Variants in TTLL1 observed in about 807,000 individuals in gnomAD.
The protein encoded by TTLL1 is TTL family tubulin polyglutamylase complex subunit L1, also known as polyglutamylase complex subunit TTLL1.
A neutral mutation model predicts 47.8 loss-of-function variants in TTLL1; 33 were observed. The ratio of observed to expected loss-of-function variants is 0.69; its 90% CI spans 0.52 to 0.92. TTLL1 has a LOEUF of 0.92. Among genes scored for constraint, TTLL1 ranks in the 40% least tolerant of loss-of-function variants. TTLL1 has a pLI of 0.00. For missense variants in TTLL1, 488 were observed against 547.5 expected, an observed-to-expected ratio of 0.89 and a Z score of 1.08; for synonymous variants, 225 against 214.1, an observed-to-expected ratio of 1.05 and a Z score of -0.45.
At position 43,061,586 on chromosome 22, in the gene TTLL1, AAAG is replaced by A. The variant is rs540742844; in HGVS notation, c.748-2062_748-2060del. 2.7e-3 allele frequency among the ~76,000 whole-genome samples: 406 copies of A among 152,380 alleles called. 2 individuals carry two copies. The highest frequency in any genetic ancestry group is 1.2e-3 in the Non-Finnish European group (84 of 68,030). On this transcript the variant is annotated intron_variant, in intron 7 of 10. Transcript: ENST00000266254. ...CTTCCATCCAAAGAAGATTCAAATC[AAAG>A]AAGGAGTCTTTCATAAAGAAACGAG...
At chr22:43,055,801 A>C (rs1182048024) in intron 8 of TTLL1, among the ~76,000 whole-genome samples, 1 of 152,058 alleles carries the variant, frequency 6.6e-6, no homozygotes, top group African/African-American at 2.4e-5. Flanking sequence ...GTTTCACTGA[A>C]GCCTTTCACT....
intron 4 of TTLL1, among the ~76,000 whole-genome samples, chr22:43,068,814 C>T (rs567094020): frequency 6.6e-6 from 1 of 152,258 alleles, no homozygotes; most frequent in East Asian, 1.9e-4. Flanking sequence ...TTTTTCAATC[C>T]CCACGGCCAC....
intron 1 of TTLL1, among the ~76,000 whole-genome samples, chr22:43,086,342 C>G (rs887531644): frequency 4.6e-5 from 7 of 152,166 alleles, no homozygotes; most frequent in Admixed American, 2.6e-4. Flanking sequence ...GTGTGTCAAC[C>G]ACAGAAAGCC....
At chr22:43,056,950 G>A (rs565588102) in intron 8 of TTLL1, among the ~76,000 whole-genome samples, 8 of 152,124 alleles carry the variant, frequency 5.3e-5, no homozygotes, top group African/African-American at 1.4e-4. Flanking sequence ...GTGCCACCAC[G>A]CCCGGCTAAT....
rs367829842 is a variant in TTLL1 at position 43,089,086 on chromosome 22, G to C, written c.-90+191C>G. Among the ~76,000 whole-genome samples, 13 of 152,342 alleles carry C rather than the reference G, an allele frequency of 8.5e-5. No individual in the cohort carries two copies. The East Asian group carries it at 1.9e-3, about 23-fold the overall frequency. On this transcript the variant is annotated intron_variant, in intron 1 of 10. Coordinates refer to ENST00000266254, the MANE Select transcript of TTLL1 (RefSeq NM_012263.5). ...CGAGGTAAGTCATAGGAACTCAGCGGACGGAGAAAGGCACGGTGGTTAGCG... is the reference window on the plus strand; with the variant it reads ...CGAGGTAAGTCATAGGAACTCAGCGCACGGAGAAAGGCACGGTGGTTAGCG...
chr22:43,044,113 C>T (rs1321401345), intron 10 of TTLL1, among the ~76,000 whole-genome samples: 1 of 152,046 alleles, frequency 6.6e-6, no homozygotes, highest in Non-Finnish European at 1.5e-5. Flanking sequence ...GAGACTGCCA[C>T]CCACCCCCAT....
At chr22:43,070,911 G>A (rs907983694) in intron 3 of TTLL1, among the ~76,000 whole-genome samples, 5 of 152,048 alleles carry the variant, frequency 3.3e-5, no homozygotes, top group Non-Finnish European at 7.4e-5. Context: ...ATGTATGTAT[G>A]TATGTATGTA....
chr22:43,059,659 A>C (rs5759126), intron 7 of TTLL1, 132 bp from the exon 8 acceptor site: 1 of 1,162,134 alleles, frequency 8.6e-7, no homozygotes, highest in Non-Finnish European at 1.2e-6. Context: ...GCAAACATCC[A>C]GACCCCTGCC....
At chr22:43,068,622 C>T (rs1342953628) in intron 4 of TTLL1, 32 bp from the exon 5 acceptor site, 2 of 1,409,804 alleles carry the variant, frequency 1.4e-6, no homozygotes, top group Non-Finnish European at 9.4e-7. Context: ...CACTGGTAAG[C>T]AGCCAGCCCA....
At chr22:43,054,016 C>G (rs1402325567) in intron 8 of TTLL1, among the ~76,000 whole-genome samples, 2 of 152,214 alleles carry the variant, frequency 1.3e-5, no homozygotes, top group Non-Finnish European at 2.9e-5. Flanking sequence ...TGAAGTCAGT[C>G]TCTGCAGAGC....
intron 1 of TTLL1, among the ~76,000 whole-genome samples, chr22:43,088,407 G>C (rs1878043767): frequency 7.1e-6 from 1 of 140,112 alleles, no homozygotes; most frequent in South Asian, 2.3e-4. Context: ...CGCAATCTCG[G>C]CTCACTGCAA....
chr22:43,072,158 T>C (rs531062128), intron 3 of TTLL1, among the ~76,000 whole-genome samples: 1 of 149,118 alleles, frequency 6.7e-6, no homozygotes, highest in African/African-American at 2.4e-5. Context: ...CTTTTTCTTT[T>C]TTTTTTTTTT....
At position 43,063,864 on chromosome 22, in the gene TTLL1, C is replaced by T. The variant is rs752642011; in HGVS notation, c.696G>A (p.Glu232=). ...CTVKYTPSTS[E]LDNMFVHLTN... Reference sequence around the variant, plus strand: ...TGAGATGAACGAACATGTTGTCCAGCTCACTGGTACTCGGGGTGTATTTCA... The same window carrying T: ...TGAGATGAACGAACATGTTGTCCAGTTCACTGGTACTCGGGGTGTATTTCA... The change falls in exon 7 of 11, where the codon GAG becomes GAA. Residue 232 remains glutamate (E), a synonymous_variant. Transcript: ENST00000266254. 1 of 1,614,020 alleles carries T rather than the reference C, an allele frequency of 6.2e-7. No homozygotes were observed. The highest frequency in any genetic ancestry group is 8.5e-7 in the Non-Finnish European group (1 of 1,180,000).
At chr22:43,068,828 G>A (rs1025970962) in intron 4 of TTLL1, among the ~76,000 whole-genome samples, 1 of 152,128 alleles carries the variant, frequency 6.6e-6, no homozygotes, top group African/African-American at 2.4e-5. Flanking sequence ...CGGCCACCTG[G>A]GAGCTACTGT....
At chr22:43,087,405 T>A (rs545369954) in intron 1 of TTLL1, among the ~76,000 whole-genome samples, 1 of 149,276 alleles carries the variant, frequency 6.7e-6, no homozygotes, top group East Asian at 2.0e-4. Context: ...ACATCTGTAA[T>A]CCCAGCTACT....
At chr22:43,069,971 C>A in intron 3 of TTLL1, 127 bp from the exon 4 acceptor site, 3 of 1,416,798 alleles carry the variant, frequency 2.1e-6, no homozygotes, top group Non-Finnish European at 2.8e-6. Context: ...CCCCTGGCAC[C>A]TGAGCCAGGG....
chr22:43,078,106 T>TA lies in TTLL1; in HGVS notation c.-5+1795dup, dbSNP rs1203894015. ...TGGGGGACAGAGTGAGACCCTGTCT[T>TA]AAAAAAAAAAGCACTCAAGAGACAT... On this transcript the variant is annotated intron_variant, in intron 2 of 10. Transcript: ENST00000266254. Among the ~76,000 whole-genome samples the TA allele has an allele frequency of 6.8e-3, 993 of 145,936 alleles. 9 individuals carry two copies. Among genetic ancestry groups the TA allele is most frequent in the African/African-American group, 0.023 (920 of 39,826 alleles).
At chr22:43,063,576 T>G (rs1927529113) in intron 7 of TTLL1, among the ~76,000 whole-genome samples, 1 of 151,746 alleles carries the variant, frequency 6.6e-6, no homozygotes, top group Non-Finnish European at 1.5e-5. Flanking sequence ...GCGATTCTCC[T>G]GCCTCAGCCT....
chr22:43,072,188 C>T (rs1224975364), intron 3 of TTLL1, among the ~76,000 whole-genome samples: 1 of 141,626 alleles, frequency 7.1e-6, no homozygotes, highest in Non-Finnish European at 1.5e-5. Context: ...GAGTCTTGCT[C>T]TGTCGCCCAG....
Sources: gnomAD v4.1 joint callset for allele counts (sites outside exome capture counted in the v4.1 genomes callset) on GRCh38, gnomAD v4.1.1 for gene constraint, MANE v1.5 for transcripts, NCBI Gene and HGNC (gene_info 2026-07-23, HGNC 2026-07-21) for gene names.